KRT15: variants seen among roughly 807,000 people sequenced by gnomAD.
The protein encoded by KRT15 is keratin 15.
KRT15 carries 45 observed loss-of-function variants against 46.6 expected under a neutral mutation model. The observed-to-expected ratio is 0.97, with a 90% CI of 0.76 to 1.24. The LOEUF (loss-of-function observed/expected upper bound fraction) is 1.24, where lower values mean the gene tolerates loss of function less well. KRT15 is among the 50% of genes most tolerant of loss of function. The pLI is 0.00. For synonymous variants in KRT15, 221 were observed against 233.8 expected, an observed-to-expected ratio of 0.95 and a Z score of 0.50; for missense variants, 592 against 588.9, an observed-to-expected ratio of 1.01 and a Z score of -0.05.
In KRT15 at chr17:41,516,963, A is replaced by G; in HGVS notation, c.583T>C (p.Tyr195His). 1 of 1,614,158 alleles carries G rather than the reference A, an allele frequency of 6.2e-7. No individual in the cohort carries two copies. Among genetic ancestry groups the G allele is most frequent in the Non-Finnish European group, 8.5e-7 (1 of 1,180,016 alleles). ...TGGCGCAGGGCCAGCTCATTCTCAT[A>G]CCTGAGGAGAGGGAGGCCAAAGAAG... ...RLAADDFRLK[Y>H]ENELALRQGV... Residue 195 changes from tyrosine (Y) to histidine (H), a missense_variant and splice_region_variant, in exon 3 of 8, where the codon TAT (tyrosine) becomes CAT (histidine). Physicochemically the swap from Tyr to His is moderately conservative, Grantham distance 83 (BLOSUM62 2). Transcript: ENST00000254043.
rs1183062211 is a variant in KRT15, at chr17:41,513,826, C to T, written c.*197G>A. On this transcript the variant is annotated 3_prime_UTR_variant, in exon 8 of 8. Transcript: ENST00000254043. ...CTTGTTACACAATACAGCTGCATCT[C>T]CTTGCTCCAAAGAAGGTGGGGAGAG... 5.1e-6 allele frequency: 3 copies of T among 582,864 alleles called. No individual in the cohort carries two copies. The highest frequency in any genetic ancestry group is 9.3e-6 in the Non-Finnish European group (3 of 322,650). The allele number at this position is 582,864 out of a possible 1,614,324, so 36.1% of individuals were successfully genotyped here. A position where few individuals can be genotyped will look rare whatever the true frequency, so the allele number is the denominator to read the frequency against.
chr17:41,515,867 G>C lies in KRT15; in HGVS notation c.1026+18C>G. 6.2e-7 allele frequency: 1 copy of C among 1,613,914 alleles called. No individual in the cohort carries two copies. Among genetic ancestry groups the C allele is most frequent in the Middle Eastern group, 1.6e-4 (1 of 6,062 alleles). On this transcript the variant is annotated intron_variant, in intron 5 of 7. Transcript: ENST00000254043. Reference sequence around the variant, plus strand: ...TTCTACCACCCGAGAGGCTGGGATGGGGCGCGAGTGGCCGTACCATGCTGA... The same window carrying C: ...TTCTACCACCCGAGAGGCTGGGATGCGGCGCGAGTGGCCGTACCATGCTGA...
At chr17:41,514,262 T>G (rs547155465) in intron 7 of KRT15, 142 bp from the exon 8 acceptor site, 1 of 671,702 alleles carries the variant, frequency 1.5e-6, no homozygotes, top group Admixed American at 2.4e-5. Context: ...CTGCCAGAGA[T>G]CTGGTGTTGA....
chr17:41,516,206 T>C lies in KRT15; in HGVS notation c.798A>G (p.Ala266=). ...GCACACGGGTCAGGTCCACACCCGG[T>C]GCTGCGTCCATCTCCACATTGACCT... ...AGQVNVEMDA[A]PGVDLTRVLA... Residue 266 remains alanine, a synonymous_variant, in exon 4 of 8, where the codon GCA becomes GCG. Coordinates refer to ENST00000254043, the MANE Select transcript of KRT15 (RefSeq NM_002275.4). 6.2e-7 allele frequency: 1 copy of C among 1,614,122 alleles called. No individual in the cohort carries two copies. The highest frequency in any genetic ancestry group is 8.5e-7 in the Non-Finnish European group (1 of 1,180,022).
chr17:41,518,836 A>C lies in KRT15; in HGVS notation c.-9T>G, dbSNP rs1299340557. ...AGAAATGTGGTGGTCATGGCCAGGT[A>C]GCTGGAGCCCGTGAGTTCTCAGCAA... On this transcript the variant is annotated 5_prime_UTR_variant, in exon 1 of 8. Coordinates refer to ENST00000254043, the MANE Select transcript of KRT15 (RefSeq NM_002275.4). 2.6e-6 allele frequency: 4 copies of C among 1,530,246 alleles called. No individual in the cohort carries two copies. The highest frequency in any genetic ancestry group is 1.4e-5 in the African/African-American group (1 of 71,644). 94.8% of individuals were successfully genotyped at this position (1,530,246 alleles called of 1,614,324 possible).
intron 1 of KRT15, 175 bp from the exon 2 acceptor site, chr17:41,517,340 C>G (rs1905436351): frequency 1.6e-6 from 1 of 612,562 alleles, no homozygotes; most frequent in South Asian, 1.9e-5. Flanking sequence ...GCCTCACTTT[C>G]AGTGTCCATT....
rs369898294 is a variant in KRT15, at chr17:41,518,778, G to A, written c.50C>T (p.Ser17Leu). ...AGCCAGGAGGGAACCCCCTCGGGTTGAGCCACCCCCAAAGGTGGAGGAAGA... is the reference window on the plus strand; with the variant it reads ...AGCCAGGAGGGAACCCCCTCGGGTTAAGCCACCCCCAAAGGTGGAGGAAGA... ...QTSSSTFGGG[S>L]TRGGSLLAGG... The change falls in exon 1 of 8, where the codon TCA (serine) becomes TTA (leucine). Residue 17 changes from serine (S) to leucine (L), a missense_variant. By Grantham distance (145) the Ser-to-Leu change is moderately radical. Transcript: ENST00000254043. 52 of 1,567,390 alleles carry A rather than the reference G, an allele frequency of 3.3e-5. No individual in the cohort carries two copies. Among genetic ancestry groups the A allele is most frequent in the Non-Finnish European group, 4.1e-5 (48 of 1,161,368 alleles).
rs891347135 is a variant in KRT15, at chr17:41,516,178, C to A, written c.826G>T (p.Ala276Ser). The A allele has an allele frequency of 1.2e-6, 2 of 1,614,214 alleles. No homozygotes were observed. Among genetic ancestry groups the A allele is most frequent in the East Asian group, 2.2e-5 (1 of 44,876 alleles). ...APGVDLTRVL[A>S]EMREQYEAMA... ...GCCTCGTACTGCTCCCTCATCTCTG[C>A]CAGCACACGGGTCAGGTCCACACCC... Residue 276 changes from alanine (A) to serine (S), a missense_variant, in exon 4 of 8, where the codon GCA (alanine) becomes TCA (serine). Coordinates refer to ENST00000254043, the MANE Select transcript of KRT15 (RefSeq NM_002275.4).
At position 41,514,122 on chromosome 17, in the gene KRT15, TAG is replaced by T. The variant is rs745998616; in HGVS notation, c.1274-4_1274-3del. 1.5e-5 allele frequency: 24 copies of T among 1,612,666 alleles called. No individual in the cohort carries two copies. The highest frequency in any genetic ancestry group is 1.7e-4 in the Middle Eastern group (1 of 6,058). ...TGCTACCACCACCTCCTGAAGAGGC[TAG>T]AGAGAGAAGGAGTAGGCTTTAGAGT... On this transcript the variant is annotated splice_region_variant and splice_polypyrimidine_tract_variant and intron_variant, in intron 7 of 7. Transcript: ENST00000254043.
At chr17:41,514,763 T>C in intron 6 of KRT15, 89 bp from the exon 7 acceptor site, 1 of 1,392,160 alleles carries the variant, frequency 7.2e-7, no homozygotes, top group Non-Finnish European at 1.0e-6. Flanking sequence ...TGCAGTGTTC[T>C]TCAGACCCTA....
Position 41,513,915 on chromosome 17 carries a change from C to G in KRT15, c.*108G>C, listed in dbSNP as rs1597771644. The G allele has an allele frequency of 1.2e-6, 1 of 836,840 alleles. No homozygotes were observed. The highest frequency in any genetic ancestry group is 2.1e-6 in the Non-Finnish European group (1 of 478,640). 51.8% of individuals were successfully genotyped at this position (836,840 alleles called of 1,614,324 possible). A position where few individuals can be genotyped will look rare whatever the true frequency, so the allele number is the denominator to read the frequency against. ...AAAGACCGAGGGACCCTTTTCAGCT[C>G]TCTGAAGGCAGGGACTGGAGTTTGC... On this transcript the variant is annotated 3_prime_UTR_variant, in exon 8 of 8. Transcript: ENST00000254043.
intron 6 of KRT15, 162 bp downstream of exon 6, chr17:41,515,310 C>T: frequency 1.6e-6 from 1 of 622,486 alleles, no homozygotes; most frequent in Non-Finnish European, 2.8e-6. Context: ...CAGGTAACAG[C>T]CAAGGACCAG....
intron 1 of KRT15, 149 bp downstream of exon 1, chr17:41,518,181 G>C: frequency 1.2e-6 from 1 of 851,178 alleles, no homozygotes; most frequent in South Asian, 1.9e-5. Flanking sequence ...CTGGACAGCA[G>C]GTGCATTCCA....
chr17:41,515,500 G>T lies in KRT15; in HGVS notation c.1219C>A (p.Arg407Ser). The T allele has an allele frequency of 6.2e-7, 1 of 1,613,734 alleles. No homozygotes were observed. Among genetic ancestry groups the T allele is most frequent in the Non-Finnish European group, 8.5e-7 (1 of 1,180,024 alleles). The change falls in exon 6 of 8, where the codon CGC becomes AGC. Residue 407 changes from arginine (R) to serine (S), a missense_variant. By Grantham distance (110) the Arg-to-Ser change is moderately radical (BLOSUM62 -1). Coordinates refer to ENST00000254043, the MANE Select transcript of KRT15 (RefSeq NM_002275.4). Reference sequence around the variant, plus strand: ...GCATCCTGGCCCTCGAGCAGGCTGCGGTAAGTAGCGATCTCCTGCTCCAGC... The same window carrying T: ...GCATCCTGGCCCTCGAGCAGGCTGCTGTAAGTAGCGATCTCCTGCTCCAGC... Reference protein sequence around the residue: ...TRLEQEIATYRSLLEGQDAKM... With the variant: ...TRLEQEIATYSSLLEGQDAKM...
chr17:41,514,559 G>C, intron 7 of KRT15, 90 bp downstream of exon 7: 1 of 1,248,414 alleles, frequency 8.0e-7, no homozygotes, highest in Non-Finnish European at 1.2e-6. Flanking sequence ...GGATGTTTGG[G>C]CTCTTTCTCC....
At chr17:41,517,050 A>G (rs1431235467) in intron 2 of KRT15, 33 bp downstream of exon 2, 5 of 1,614,008 alleles carry the variant, frequency 3.1e-6, no homozygotes, top group Non-Finnish European at 4.2e-6. Flanking sequence ...AAAGTGGGCA[A>G]TGCAGGAAGA....
At chr17:41,518,232 A>G in intron 1 of KRT15, 98 bp downstream of exon 1, 1 of 1,383,898 alleles carries the variant, frequency 7.2e-7, no homozygotes, top group Admixed American at 2.3e-5. Context: ...TTGCCTGGGC[A>G]GGAAAGGATT....
At chr17:41,517,962 A>G (rs1443335665) in intron 1 of KRT15, among the ~76,000 whole-genome samples, 1 of 152,096 alleles carries the variant, frequency 6.6e-6, no homozygotes, top group South Asian at 2.1e-4. Flanking sequence ...TGGCACAGTC[A>G]TAGCTCACTG....
At chr17:41,515,753 A>C in intron 5 of KRT15, 61 bp from the exon 6 acceptor site, 2 of 1,597,344 alleles carry the variant, frequency 1.3e-6, no homozygotes, top group South Asian at 2.2e-5. Flanking sequence ...GAGGGCAAGC[A>C]GGGAGGGGGC....
Sources: allele counts gnomAD v4.1 joint callset (sites outside exome capture counted in the v4.1 genomes callset), GRCh38; gene constraint gnomAD v4.1.1; transcripts MANE v1.5; gene names NCBI Gene and HGNC (gene_info 2026-07-23, HGNC 2026-07-21).